Variants in AGMO observed in about 807,000 individuals in gnomAD.
AGMO encodes the protein alkylglycerol monooxygenase, also known as glyceryl-ether monooxygenase.
Under a neutral mutation model 60.2 loss-of-function variants are expected in AGMO, and 75 were observed. The observed-to-expected ratio is 1.25, with a 90% CI of 1.03 to 1.51. AGMO has a LOEUF of 1.51. Ranked by LOEUF, AGMO falls within the 40% of genes most tolerant of loss-of-function variation. AGMO has a pLI of 0.00. For synonymous variants in AGMO, 261 were observed against 177.1 expected (o/e 1.47, Z -3.76); for missense variants, 763 against 525.5 (o/e 1.45, Z -4.42).
chr7:15,389,082 T>A (rs952867475), intron 8 of AGMO, among the ~76,000 whole-genome samples: 2 of 152,184 alleles, frequency 1.3e-5, no homozygotes, highest in Non-Finnish European at 2.9e-5. Context: ...CAATTATAAA[T>A]GCCGTTTTCC....
At chr7:15,271,909 AT>A (rs1156298114) in intron 12 of AGMO, among the ~76,000 whole-genome samples, 1 of 152,082 alleles carries the variant, frequency 6.6e-6, no homozygotes, top group Admixed American at 6.6e-5. Flanking sequence ...CTTTTTCTAC[AT>A]TTATTGAGAT....
At chr7:15,554,274 C>T (rs1583684865) in intron 2 of AGMO, among the ~76,000 whole-genome samples, 3 of 152,168 alleles carry the variant, frequency 2.0e-5, no homozygotes, top group Admixed American at 2.0e-4. Flanking sequence ...ACTGTCTAAA[C>T]TCCATCCTGT....
intron 3 of AGMO, among the ~76,000 whole-genome samples, chr7:15,516,556 G>A (rs889760870): frequency 6.6e-6 from 1 of 152,140 alleles, no homozygotes; most frequent in African/African-American, 2.4e-5. Flanking sequence ...ATTACTGAAG[G>A]CTGAATGATG....
chr7:15,186,031 C>T, the AGMO span, among the ~76,000 whole-genome samples: 1 of 152,288 alleles, frequency 6.6e-6, no homozygotes, highest in Non-Finnish European at 1.5e-5. Flanking sequence ...AACAAATCGA[C>T]CCACAAAGCT....
intron 5 of AGMO, among the ~76,000 whole-genome samples, chr7:15,415,556 C>A (rs911453138): frequency 6.6e-6 from 1 of 151,936 alleles, no homozygotes; most frequent in Non-Finnish European, 1.5e-5. Flanking sequence ...AAAAAAATAT[C>A]ATTGAATCAT....
intron 6 of AGMO, among the ~76,000 whole-genome samples, chr7:15,391,340 G>A (rs917303729): frequency 1.3e-5 from 2 of 151,800 alleles, no homozygotes; most frequent in African/African-American, 2.4e-5. Flanking sequence ...TTTCAGGAAG[G>A]AAATTTTCTA....
rs1395387700 is a variant in AGMO at position 15,530,789 on chromosome 7, T to C, written c.409+13983A>G. 2.6e-5 allele frequency among the ~76,000 whole-genome samples: 3 copies of C among 116,964 alleles called. No individual in the cohort carries two copies. In the South Asian group the frequency reaches 7.0e-4, roughly 27 times the overall value. The allele number at this position is 116,964 out of a possible 152,430, so 76.7% of individuals were successfully genotyped here. ...TATACATTTCTATATATATTCTATA[T>C]ATACATTTCTCTATATATTCTATAT... On this transcript the variant is annotated intron_variant, in intron 3 of 12. Transcript: ENST00000342526.
chr7:15,485,722 G>A (rs1782903710), intron 3 of AGMO, among the ~76,000 whole-genome samples: 1 of 151,866 alleles, frequency 6.6e-6, no homozygotes, highest in African/African-American at 2.4e-5. Flanking sequence ...CTCTTAGCAC[G>A]GTGCCCTGTT....
chr7:15,236,501 A>T (rs556227302), intron 12 of AGMO, among the ~76,000 whole-genome samples: 1 of 152,230 alleles, frequency 6.6e-6, no homozygotes, highest in Admixed American at 6.5e-5. Flanking sequence ...TCTACATCAG[A>T]TGTTAGATGT....
intron 9 of AGMO, 24 bp from the exon 10 acceptor site, chr7:15,385,586 T>C: frequency 7.6e-7 from 1 of 1,320,502 alleles, no homozygotes; most frequent in Non-Finnish European, 1.1e-6. Flanking sequence ...AACCATTTCC[T>C]TTATATTGCT....
At chr7:15,355,398 G>C (rs1562453049) in intron 12 of AGMO, among the ~76,000 whole-genome samples, 2 of 151,166 alleles carry the variant, frequency 1.3e-5, no homozygotes, top group East Asian at 3.9e-4. Flanking sequence ...AGCTACTCGG[G>C]AGGCTGAGGA....
At chr7:15,170,661 G>T in the AGMO span, among the ~76,000 whole-genome samples, 1 of 152,040 alleles carries the variant, frequency 6.6e-6, no homozygotes, top group East Asian at 1.9e-4. Context: ...CATTAGCAGA[G>T]TACAGTTGTC....
At chr7:15,335,892 C>T (rs1374785814) in intron 12 of AGMO, among the ~76,000 whole-genome samples, 1 of 152,076 alleles carries the variant, frequency 6.6e-6, no homozygotes, top group Non-Finnish European at 1.5e-5. Flanking sequence ...TCACACTAAA[C>T]CAAATGTAGG....
chr7:15,434,263 G>A (rs537024787), intron 3 of AGMO, among the ~76,000 whole-genome samples: 1 of 152,218 alleles, frequency 6.6e-6, no homozygotes, highest in East Asian at 1.9e-4. Flanking sequence ...GAGGTCCAGA[G>A]GGCTAACTAG....
At chr7:15,128,574 T>C in the AGMO span, among the ~76,000 whole-genome samples, 1 of 152,050 alleles carries the variant, frequency 6.6e-6, no homozygotes, top group Non-Finnish European at 1.5e-5. Context: ...TGTTTATAAA[T>C]AATTTTGGAA....
chr7:15,246,100 T>C (rs928546961), intron 12 of AGMO, among the ~76,000 whole-genome samples: 12 of 152,346 alleles, frequency 7.9e-5, no homozygotes, highest in African/African-American at 2.2e-4. Context: ...AACTCTCTTT[T>C]ACTAAAGATA....
chr7:15,555,418 A>C (rs889672754), intron 2 of AGMO, among the ~76,000 whole-genome samples: 1 of 151,528 alleles, frequency 6.6e-6, no homozygotes, highest in Admixed American at 6.6e-5. Flanking sequence ...AACTGAATCC[A>C]GGAGTTTGCA....
intron 12 of AGMO, among the ~76,000 whole-genome samples, chr7:15,296,299 G>A (rs1468392339): frequency 6.6e-6 from 1 of 152,060 alleles, no homozygotes; most frequent in Non-Finnish European, 1.5e-5. Flanking sequence ...TATCCTACAA[G>A]CCCTAAGTTT....
At chr7:15,349,077 G>A (rs761719314) in intron 12 of AGMO, among the ~76,000 whole-genome samples, 1 of 152,062 alleles carries the variant, frequency 6.6e-6, no homozygotes, top group Non-Finnish European at 1.5e-5. Context: ...AGTACAACAT[G>A]GAAGGAATAT....
Sources: gnomAD v4.1 joint callset for allele counts (sites outside exome capture counted in the v4.1 genomes callset) on GRCh38, gnomAD v4.1.1 for gene constraint, MANE v1.5 for transcripts, NCBI Gene and HGNC (gene_info 2026-07-23, HGNC 2026-07-21) for gene names.